The following IMMP2L variants were observed in gnomAD, a reference collection of about 807,000 sequenced individuals.
IMMP2L encodes inner mitochondrial membrane peptidase subunit 2, also known as mitochondrial inner membrane protease subunit 2.
IMMP2L carries 18 observed loss-of-function variants against 19.3 expected under a neutral mutation model. The ratio of observed to expected loss-of-function variants is 0.93; its 90% CI spans 0.64 to 1.38. IMMP2L has a LOEUF of 1.38. Ranked by LOEUF, IMMP2L falls within the 40% of genes most tolerant of loss-of-function variation. IMMP2L has a pLI of 0.00. For synonymous variants in IMMP2L, 76 were observed against 73.0 expected (o/e 1.04, Z -0.21); for missense variants, 233 against 218.2 (o/e 1.07, Z -0.43).
At chr7:111,089,177 C>G (rs1796601893) in intron 3 of IMMP2L, among the ~76,000 whole-genome samples, 1 of 152,032 alleles carries the variant, frequency 6.6e-6, no homozygotes. Flanking sequence ...TGAATCAAAA[C>G]TGAAAAGATT....
At chr7:110,951,916 A>C (rs1426502830) in intron 4 of IMMP2L, among the ~76,000 whole-genome samples, 1 of 152,174 alleles carries the variant, frequency 6.6e-6, no homozygotes, top group African/African-American at 2.4e-5. Flanking sequence ...AACCCCGGTC[A>C]ACGTTAAGTT....
intron 4 of IMMP2L, among the ~76,000 whole-genome samples, chr7:110,918,515 G>A (rs984858461): frequency 2.7e-5 from 4 of 149,588 alleles, no homozygotes; most frequent in Non-Finnish European, 5.9e-5. Flanking sequence ...GAGTGCAATG[G>A]CGCGATCTCG....
rs73203005 is a variant in IMMP2L, at chr7:111,324,399, T to C, written c.239+162839A>G. Among the ~76,000 whole-genome samples the C allele has an allele frequency of 6.6e-4, 101 of 151,946 alleles. 2 individuals are homozygous for C. The highest frequency in any genetic ancestry group is 3.4e-3 in the Middle Eastern group (1 of 294). On this transcript the variant is annotated intron_variant, in intron 3 of 5. Transcript: ENST00000405709. ...TTTCATTTGGCAAAACTGACCATAATAGAGAGAGAATGCATTAAGGAAATG... is the reference window on the plus strand; with the variant it reads ...TTTCATTTGGCAAAACTGACCATAACAGAGAGAGAATGCATTAAGGAAATG...
chr7:110,735,107 A>G (rs921637958), intron 5 of IMMP2L, among the ~76,000 whole-genome samples: 3 of 152,182 alleles, frequency 2.0e-5, no homozygotes, highest in African/African-American at 7.2e-5. Flanking sequence ...AATGGAAATA[A>G]CCGACATGCC....
intron 3 of IMMP2L, among the ~76,000 whole-genome samples, chr7:111,117,833 A>G (rs1800077440): frequency 2.0e-5 from 3 of 152,078 alleles, no homozygotes; most frequent in Admixed American, 1.3e-4. Flanking sequence ...TTCTTCACCA[A>G]TTTTTCAACT....
At position 111,087,341 on chromosome 7, in the gene IMMP2L, A is replaced by C. The variant is rs555276208; in HGVS notation, c.240-123776T>G. On this transcript the variant is annotated intron_variant, in intron 3 of 5. Coordinates refer to ENST00000405709, the MANE Select transcript of IMMP2L (RefSeq NM_032549.4). ...GCACGCGCCTATAGTCCCAGCTACC[A>C]GGGAGGCTGAGGCAGGAGAATCACT... is the stretch of plus-strand genomic sequence containing the variant. Among the ~76,000 whole-genome samples, 400 of 151,262 alleles carry C rather than the reference A, an allele frequency of 2.6e-3. 1 individual carries two copies. Among genetic ancestry groups the C allele is most frequent in the Non-Finnish European group, 4.2e-3 (287 of 67,794 alleles).
chr7:110,706,882 G>A (rs111689977), intron 5 of IMMP2L, among the ~76,000 whole-genome samples: 5 of 151,562 alleles, frequency 3.3e-5, no homozygotes, highest in Middle Eastern at 3.2e-3. Context: ...TGTTTTTGCT[G>A]TAATTTTTTT....
chr7:111,451,375 T>G (rs1435167032), intron 3 of IMMP2L, among the ~76,000 whole-genome samples: 1 of 150,912 alleles, frequency 6.6e-6, no homozygotes, highest in East Asian at 1.9e-4. Context: ...TGGAATACTA[T>G]GCAGCCATAA....
chr7:110,713,238 T>C (rs1003971215), intron 5 of IMMP2L, among the ~76,000 whole-genome samples: 15 of 152,214 alleles, frequency 9.9e-5, no homozygotes, highest in Admixed American at 9.8e-4. Flanking sequence ...GTTTGATTTC[T>C]GGGTTCTCTA....
At chr7:110,881,572 G>C (rs1585123508) in intron 5 of IMMP2L, among the ~76,000 whole-genome samples, 1 of 152,102 alleles carries the variant, frequency 6.6e-6, no homozygotes, top group East Asian at 1.9e-4. Context: ...TTCAAAGAAA[G>C]TGTGAAGAGA....
At chr7:111,459,502 TA>T (rs1032403889) in intron 3 of IMMP2L, among the ~76,000 whole-genome samples, 1 of 152,134 alleles carries the variant, frequency 6.6e-6, no homozygotes, top group Non-Finnish European at 1.5e-5. Flanking sequence ...TTACAAATGA[TA>T]AACAAACATT....
chr7:110,713,781 A>C (rs1795056031), intron 5 of IMMP2L, among the ~76,000 whole-genome samples: 1 of 152,008 alleles, frequency 6.6e-6, no homozygotes, highest in East Asian at 1.9e-4. Flanking sequence ...ATTTTTGGAC[A>C]TTGATTTTGT....
At chr7:111,481,362 C>T (rs950074376) in intron 3 of IMMP2L, among the ~76,000 whole-genome samples, 4 of 152,110 alleles carry the variant, frequency 2.6e-5, no homozygotes, top group East Asian at 3.9e-4. Context: ...GGTTAAGACA[C>T]AGCTTTGATG....
At chr7:111,000,219 C>A (rs867834142) in intron 3 of IMMP2L, among the ~76,000 whole-genome samples, 1 of 152,288 alleles carries the variant, frequency 6.6e-6, no homozygotes, top group East Asian at 1.9e-4. Context: ...CTCTATGGAC[C>A]TTGCTGACTA....
chr7:111,192,041 C>A (rs1808938981), intron 3 of IMMP2L, among the ~76,000 whole-genome samples: 1 of 152,024 alleles, frequency 6.6e-6, no homozygotes, highest in African/African-American at 2.4e-5. Context: ...TGGCACAGAG[C>A]AACCTTATGG....
In IMMP2L at chr7:110,867,963, G is replaced by A. The variant is rs528810718; in HGVS notation, c.408+18630C>T. ...GTTGTCACCCCCAGAGGTCCCCATAGGTCTTTAGGGCTCCAGATAAAAGTA... is the reference window on the plus strand; with the variant it reads ...GTTGTCACCCCCAGAGGTCCCCATAAGTCTTTAGGGCTCCAGATAAAAGTA... On this transcript the variant is annotated intron_variant, in intron 5 of 5. Coordinates refer to ENST00000405709, the MANE Select transcript of IMMP2L (RefSeq NM_032549.4). Among the ~76,000 whole-genome samples, 14 of 152,022 alleles carry A rather than the reference G, an allele frequency of 9.2e-5. No homozygotes were observed. The South Asian group carries it at 2.9e-3, about 32-fold the overall frequency.
At chr7:111,076,752 G>C (rs1221584088) in intron 3 of IMMP2L, among the ~76,000 whole-genome samples, 1 of 152,084 alleles carries the variant, frequency 6.6e-6, no homozygotes, top group Non-Finnish European at 1.5e-5. Context: ...ACCAGAGATG[G>C]GGGCAATGAT....
chr7:111,390,961 T>C lies in IMMP2L; in HGVS notation c.239+96277A>G, dbSNP rs557990921. On this transcript the variant is annotated intron_variant, in intron 3 of 5. Transcript: ENST00000405709. Reference sequence around the variant, plus strand: ...CTCAATAATCAACCTGTAATATCACTCCTTACTTCACTACTAAAATATATT... The same window carrying C: ...CTCAATAATCAACCTGTAATATCACCCCTTACTTCACTACTAAAATATATT... 6.6e-5 allele frequency among the ~76,000 whole-genome samples: 10 copies of C among 152,222 alleles called. No homozygotes were observed. In the East Asian group the frequency reaches 1.2e-3, roughly 18 times the overall value.
chr7:111,324,618 C>A (rs1043550437), intron 3 of IMMP2L, among the ~76,000 whole-genome samples: 1 of 151,592 alleles, frequency 6.6e-6, no homozygotes, highest in South Asian at 2.1e-4. Flanking sequence ...CATTCAAAAT[C>A]ATGTGTAATA....
Sources: allele counts gnomAD v4.1 joint callset (sites outside exome capture counted in the v4.1 genomes callset), GRCh38; gene constraint gnomAD v4.1.1; transcripts MANE v1.5; gene names NCBI Gene and HGNC (gene_info 2026-07-23, HGNC 2026-07-21).